The following ERAP1 variants were observed in gnomAD, a reference collection of about 807,000 sequenced individuals.
ERAP1 encodes the protein endoplasmic reticulum aminopeptidase 1.
A neutral mutation model predicts 103.7 loss-of-function variants in ERAP1; 86 were observed. The ratio of observed to expected loss-of-function variants is 0.83; its 90% CI spans 0.70 to 0.99. ERAP1 has a LOEUF of 0.99. Ranked by LOEUF, ERAP1 falls within the 50% of genes least tolerant of loss-of-function variation. The pLI, the probability that ERAP1 is intolerant of heterozygous loss-of-function variation, is 0.00. For missense variants in ERAP1, 1,009 were observed against 1,128.4 expected (o/e 0.89, Z 1.52); for synonymous variants, 398 against 402.4 (o/e 0.99, Z 0.13).
At chr5:96,770,716 A>G, downstream of ERAP1, 1 of 709,238 alleles carries the variant, frequency 1.4e-6, no homozygotes, top group Non-Finnish European at 2.5e-6. Flanking sequence ...AATTTCTTAA[A>G]GTACTATCTA....
chr5:96,823,607 A>G, the ERAP1 span, among the ~76,000 whole-genome samples: 1 of 152,162 alleles, frequency 6.6e-6, no homozygotes, highest in African/African-American at 2.4e-5. Flanking sequence ...ATTCTATCCC[A>G]AGCTCCTACC....
At chr5:96,897,850 C>T in the ERAP1 span, among the ~76,000 whole-genome samples, 1 of 152,176 alleles carries the variant, frequency 6.6e-6, no homozygotes, top group Non-Finnish European at 1.5e-5. Context: ...GCACTTGTGT[C>T]CCAGGGACAG....
chr5:96,856,612 T>C, the ERAP1 span, among the ~76,000 whole-genome samples: 1 of 151,934 alleles, frequency 6.6e-6, no homozygotes, highest in Non-Finnish European at 1.5e-5. Flanking sequence ...TTATATCAAT[T>C]CTCCTGCTGT....
chr5:96,889,393 A>T, the ERAP1 span: 2 of 1,418,478 alleles, frequency 1.4e-6, no homozygotes, highest in Non-Finnish European at 2.0e-6. Flanking sequence ...ATGTGATTTA[A>T]ATGAGCACTG....
chr5:96,804,413 C>T (rs984692783), intron 1 of ERAP1: 2 of 204,914 alleles, frequency 9.8e-6, no homozygotes, highest in Non-Finnish European at 2.0e-5. Context: ...GAGAAAGTCA[C>T]CCTAGTACCC....
chr5:96,808,261 T>TGTGG (rs1387638650), upstream of ERAP1: 2 of 837,656 alleles, frequency 2.4e-6, no homozygotes, highest in African/African-American at 4.4e-5. Flanking sequence ...TGTGTGTGTG[T>TGTGG]TGAGATGCTT....
intron 13 of ERAP1, among the ~76,000 whole-genome samples, chr5:96,784,620 G>A (rs987952380): frequency 1.3e-5 from 2 of 152,074 alleles, no homozygotes; most frequent in South Asian, 2.1e-4. Context: ...TGGATAAGCC[G>A]GAAAGGAAGC....
the ERAP1 span, among the ~76,000 whole-genome samples, chr5:96,868,699 C>A: frequency 5.8e-4 from 87 of 150,324 alleles, 1 homozygote; most frequent in Non-Finnish European, 7.5e-5. Context: ...CTAGACGTCA[C>A]CCCGAGTTTC....
At chr5:96,856,308 G>C in the ERAP1 span, among the ~76,000 whole-genome samples, 1 of 92,010 alleles carries the variant, frequency 1.1e-5, no homozygotes, top group African/African-American at 4.3e-5. Context: ...GACAGGGTGA[G>C]ACTCCGTCTC....
At chr5:96,903,353 C>G in the ERAP1 span, 1 of 1,568,426 alleles carries the variant, frequency 6.4e-7, no homozygotes, top group East Asian at 2.3e-5. Flanking sequence ...TAATAAAATG[C>G]CTATGCCAAT....
chr5:96,794,928 GT>G, intron 5 of ERAP1, 113 bp downstream of exon 5: 2 of 1,321,108 alleles, frequency 1.5e-6, no homozygotes, highest in Non-Finnish European at 2.1e-6. Context: ...ACTTGCTGGG[GT>G]TTTTGTGGCT....
chr5:96,902,543 G>C, the ERAP1 span: 5 of 507,976 alleles, frequency 9.8e-6, no homozygotes, highest in Non-Finnish European at 1.4e-5. Context: ...TCAGTGGGAA[G>C]TTCTCTTGCG....
In ERAP1 at chr5:96,803,735, A is replaced by C. The variant is rs1357413871; in HGVS notation, c.192T>G (p.Asp64Glu). The C allele has an allele frequency of 6.2e-7, 1 of 1,614,194 alleles. No individual in the cohort carries two copies. The highest frequency in any genetic ancestry group is 2.2e-5 in the East Asian group (1 of 44,886). ...LPEYVIPVHY[D>E]LLIHANLTTL... is the part of the protein sequence containing the mutation. ...TGGTAAGGTTTGCATGGATCAAGAG[A>C]TCATAATGAACTGGGATGACGTACT... Residue 64 changes from aspartate to glutamate, a missense_variant, in exon 2 of 19, where the codon GAT (aspartate) becomes GAG (glutamate). Asp to Glu is a conservative substitution (Grantham distance 45). This residue lies in a region of ERAP1 where 392 missense variants were observed against 455.2 expected (regional missense o/e 0.86). Transcript: ENST00000443439.
At chr5:96,886,715 A>G in the ERAP1 span, 14 of 1,553,226 alleles carry the variant, frequency 9.0e-6, no homozygotes, top group Middle Eastern at 5.1e-4. Flanking sequence ...TACTGTAAAA[A>G]TGAGTACATA....
At chr5:96,931,896 A>G in the ERAP1 span, among the ~76,000 whole-genome samples, 1 of 152,214 alleles carries the variant, frequency 6.6e-6, no homozygotes, top group Non-Finnish European at 1.5e-5. Context: ...AGATTATCTT[A>G]TCAGTGGACT....
At chr5:96,855,792 T>C in the ERAP1 span, among the ~76,000 whole-genome samples, 5 of 152,298 alleles carry the variant, frequency 3.3e-5, no homozygotes, top group East Asian at 9.7e-4. Context: ...ATCTCCCTGT[T>C]GGTCTTGTAG....
chr5:96,927,565 C>T, the ERAP1 span, among the ~76,000 whole-genome samples: 1 of 152,042 alleles, frequency 6.6e-6, no homozygotes, highest in Admixed American at 6.5e-5. Flanking sequence ...CGGCTCACTG[C>T]AAGCTCCGCC....
chr5:96,814,176 G>C, the ERAP1 span: 7 of 452,074 alleles, frequency 1.5e-5, no homozygotes, highest in Non-Finnish European at 2.7e-5. Flanking sequence ...CATTGTTCCA[G>C]CATTCCGTTC....
the ERAP1 span, among the ~76,000 whole-genome samples, chr5:96,874,180 A>AAGAAAGAAAGAGAGAGAG: frequency 4.9e-5 from 4 of 82,250 alleles, no homozygotes; most frequent in African/African-American, 2.3e-4. Flanking sequence ...GAAAGAAAGA[A>AAGAAAGAAAGAGAGAGAG]AGAGAGAGAG....
Sources: gnomAD v4.1 joint callset for allele counts (sites outside exome capture counted in the v4.1 genomes callset) on GRCh38, gnomAD v4.1.1 for gene constraint, gnomAD v4.1.1 regional missense constraint, MANE v1.5 for transcripts, NCBI Gene and HGNC (gene_info 2026-07-23, HGNC 2026-07-21) for gene names.